Variants in OR51B5 observed in about 807,000 individuals in gnomAD.
The protein encoded by OR51B5 is olfactory receptor 51B5.
For missense variants in OR51B5, 456 were observed against 374.6 expected (o/e 1.22, Z -1.79); for synonymous variants, 186 against 144.8 (o/e 1.28, Z -2.04).
At chr11:5,381,284 A>G (rs1324103494) in intron 1 of OR51B5, among the ~76,000 whole-genome samples, 1 of 152,202 alleles carries the variant, frequency 6.6e-6, no homozygotes, top group East Asian at 1.9e-4. Flanking sequence ...TAGATTCTTT[A>G]ATAATGAATT....
chr11:5,340,701 C>T (rs970148918), downstream of OR51B5: 3 of 152,038 alleles, frequency 2.0e-5, no homozygotes, highest in African/African-American at 7.2e-5. Context: ...AGTGGAGTAC[C>T]ATTCACACTG....
intron 1 of OR51B5, among the ~76,000 whole-genome samples, chr11:5,459,742 G>A (rs889843548): frequency 5.3e-5 from 8 of 152,176 alleles, no homozygotes; most frequent in African/African-American, 1.7e-4. Context: ...AGATGCTGGC[G>A]AGGTTGTGGA....
intron 1 of OR51B5, among the ~76,000 whole-genome samples, chr11:5,477,799 C>T (rs992719311): frequency 2.0e-5 from 3 of 152,178 alleles, no homozygotes; most frequent in African/African-American, 7.2e-5. Context: ...TTGCGCTTTT[C>T]GGACTGGCTT....
chr11:5,389,470 C>T (rs1284664478), intron 1 of OR51B5: 2 of 1,613,958 alleles, frequency 1.2e-6, no homozygotes, highest in South Asian at 2.2e-5. Flanking sequence ...GCCCCATATT[C>T]TATCTCACCA....
intron 1 of OR51B5, among the ~76,000 whole-genome samples, chr11:5,408,061 C>A (rs1564803523): frequency 1.3e-5 from 2 of 151,724 alleles, no homozygotes; most frequent in Non-Finnish European, 1.5e-5. Context: ...TTCAATTTTT[C>A]ACTGACCGTC....
chr11:5,395,141 G>A (rs969058415), intron 1 of OR51B5, among the ~76,000 whole-genome samples: 1 of 152,152 alleles, frequency 6.6e-6, no homozygotes, highest in African/African-American at 2.4e-5. Context: ...GGTCTAGGAG[G>A]ATGCTAATCC....
intron 1 of OR51B5, among the ~76,000 whole-genome samples, chr11:5,475,946 T>C (rs993369165): frequency 6.6e-6 from 1 of 152,222 alleles, no homozygotes; most frequent in Non-Finnish European, 1.5e-5. Flanking sequence ...CACAGTACCA[T>C]CTTGTAGCAT....
At chr11:5,447,046 C>A (rs1421829814) in intron 1 of OR51B5, among the ~76,000 whole-genome samples, 1 of 152,184 alleles carries the variant, frequency 6.6e-6, no homozygotes, top group African/African-American at 2.4e-5. Flanking sequence ...CTTTCATGGA[C>A]TACAACAAGT....
intron 1 of OR51B5, among the ~76,000 whole-genome samples, chr11:5,469,973 C>T (rs1014991746): frequency 6.6e-6 from 1 of 152,178 alleles, no homozygotes. Context: ...GAACCCCTCA[C>T]TTATTCACCA....
Position 5,441,254 on chromosome 11 carries a change from G to T in OR51B5, n.84+64315C>A, listed in dbSNP as rs763641521. 2.5e-6 allele frequency: 4 copies of T among 1,613,884 alleles called. No individual in the cohort carries two copies. In the African/African-American group the frequency reaches 5.3e-5, roughly 22 times the overall value. ...ACGCAACATGGTTGTAGTTGAAGCAGAAAGTAGAAATCACAGTGGGAAGTG... is the reference window on the plus strand; with the variant it reads ...ACGCAACATGGTTGTAGTTGAAGCATAAAGTAGAAATCACAGTGGGAAGTG... On this transcript the variant is annotated intron_variant and non_coding_transcript_variant, in intron 1 of 4. Transcript: ENST00000415970.
intron 1 of OR51B5, chr11:5,468,371 A>T: frequency 4.0e-6 from 1 of 248,024 alleles, no homozygotes; most frequent in Non-Finnish European, 8.0e-6. Context: ...GCAGGTACAC[A>T]ATTATAGGTG....
At chr11:5,383,721 T>G (rs908673048) in intron 1 of OR51B5, 3 of 152,146 alleles carry the variant, frequency 2.0e-5, no homozygotes, top group Non-Finnish European at 4.4e-5. Context: ...TTCCTGCCCA[T>G]AGGATTCCCA....
At chr11:5,454,067 T>C in intron 1 of OR51B5, 1 of 1,614,170 alleles carries the variant, frequency 6.2e-7, no homozygotes, top group Non-Finnish European at 8.5e-7. Context: ...CTGATATCAG[T>C]ATCAACAGCA....
intron 1 of OR51B5, among the ~76,000 whole-genome samples, chr11:5,364,925 A>G (rs1362312346): frequency 6.6e-6 from 1 of 151,916 alleles, no homozygotes; most frequent in Non-Finnish European, 1.5e-5. Flanking sequence ...TGTAGCTTCT[A>G]TGGTGGATAC....
At chr11:5,352,002 C>G (rs2133688048) in intron 1 of OR51B5, 2 of 1,613,684 alleles carry the variant, frequency 1.2e-6, no homozygotes, top group Non-Finnish European at 8.5e-7. Flanking sequence ...ACTGGTTTCC[C>G]TACTGTCGAT....
intron 1 of OR51B5, among the ~76,000 whole-genome samples, chr11:5,479,589 C>T (rs1238323695): frequency 6.6e-6 from 1 of 151,752 alleles, no homozygotes; most frequent in African/African-American, 2.4e-5. Flanking sequence ...GAGTCAAGAC[C>T]CATCAGTGTG....
At chr11:5,375,315 A>C (rs1213305086) in intron 1 of OR51B5, among the ~76,000 whole-genome samples, 1 of 151,664 alleles carries the variant, frequency 6.6e-6, no homozygotes, top group African/African-American at 2.4e-5. Context: ...GCCTGACCTA[A>C]AAGAGCTCCT....
intron 1 of OR51B5, among the ~76,000 whole-genome samples, chr11:5,382,279 C>T (rs1218147034): frequency 1.3e-5 from 2 of 152,196 alleles, no homozygotes; most frequent in Non-Finnish European, 2.9e-5. Flanking sequence ...GCTTACACTA[C>T]CCCTCCTTTT....
intron 1 of OR51B5, among the ~76,000 whole-genome samples, chr11:5,358,674 G>A (rs1474236727): frequency 1.3e-5 from 2 of 151,718 alleles, no homozygotes; most frequent in Non-Finnish European, 2.9e-5. Context: ...ACCAAAGCCG[G>A]GCAGAGACAC....
Sources: gnomAD v4.1 joint callset for allele counts (sites outside exome capture counted in the v4.1 genomes callset) on GRCh38, gnomAD v4.1.1 for gene constraint, MANE v1.5 for transcripts, NCBI Gene and HGNC (gene_info 2026-07-23, HGNC 2026-07-21) for gene names.